COL24A1: variants seen among roughly 807,000 people sequenced by gnomAD.
The protein encoded by COL24A1 is collagen alpha-1(XXIV) chain.
In COL24A1, 224 loss-of-function variants were observed where a neutral mutation model predicts 253.9. The ratio of observed to expected loss-of-function variants is 0.88; its 90% confidence interval spans 0.79 to 0.99. COL24A1 has a LOEUF of 0.99. Ranked by LOEUF, COL24A1 falls within the 50% of genes least tolerant of loss-of-function variation. The pLI is 0.00. For synonymous variants in COL24A1, 685 were observed against 673.7 expected (o/e 1.02, Z -0.26); for missense variants, 2,131 against 2,068.5 (o/e 1.03, Z -0.59).
chr1:86,063,383 T>TGTGTGTGTG (rs1376429091), intron 8 of COL24A1, among the ~76,000 whole-genome samples: 79 of 144,468 alleles, frequency 5.5e-4, no homozygotes, highest in African/African-American at 1.6e-3. Flanking sequence ...GTGTGTGTGT[T>TGTGTGTGTG]TGTATGTGTA....
rs1697608051 is a variant in COL24A1 at position 86,022,232 on chromosome 1, A to G, written c.2256+8T>C. On this transcript the variant is annotated splice_region_variant and intron_variant, in intron 18 of 59. Transcript: ENST00000370571. ...ATTACAAAGAGCAAAGCAAAAGTTC[A>G]AACCTACTGAAGGCCCTGACTTTCC... 14 of 1,612,540 alleles carry G rather than the reference A, an allele frequency of 8.7e-6. No homozygotes were observed. The highest frequency in any genetic ancestry group is 1.2e-5 in the Non-Finnish European group (14 of 1,178,636).
At chr1:85,854,018 T>G (rs1448418699) in intron 37 of COL24A1, among the ~76,000 whole-genome samples, 2 of 152,224 alleles carry the variant, frequency 1.3e-5, no homozygotes, top group Non-Finnish European at 2.9e-5. Flanking sequence ...TTTTGGAATC[T>G]TTGTCATGAA....
At chr1:86,122,492 A>C (rs6703567) in intron 3 of COL24A1, among the ~76,000 whole-genome samples, 110,158 of 151,734 alleles carry the variant, frequency 0.73, 39,953 homozygotes, top group Middle Eastern at 0.77. Flanking sequence ...CTTGACATCT[A>C]TTCTTTACTT....
chr1:85,828,439 C>A (rs1361640396), intron 43 of COL24A1, among the ~76,000 whole-genome samples: 1 of 151,198 alleles, frequency 6.6e-6, no homozygotes, highest in African/African-American at 2.4e-5. Context: ...TCTATTAGGT[C>A]TGCTTGGTGC....
At chr1:85,819,448 T>C (rs1366433687) in intron 45 of COL24A1, among the ~76,000 whole-genome samples, 3 of 152,334 alleles carry the variant, frequency 2.0e-5, no homozygotes, top group Admixed American at 6.5e-5. Flanking sequence ...TTCTATACTT[T>C]TGATTTTTCA....
At chr1:85,906,028 TTTTTA>T (rs1381954934) in intron 28 of COL24A1, among the ~76,000 whole-genome samples, 7 of 152,092 alleles carry the variant, frequency 4.6e-5, no homozygotes, top group African/African-American at 1.7e-4. Context: ...CTATCATCAT[TTTTTA>T]TTTTATTTTA....
Position 85,997,055 on chromosome 1 carries a change from G to GTGTGTGTGTGTGTGTGTATATATA in COL24A1, c.2311-9402_2311-9401insTATATATACACACACACACACACA. Among the ~76,000 whole-genome samples, 19 of 95,118 alleles carry GTGTGTGTGTGTGTGTGTATATATA rather than the reference G, an allele frequency of 2.0e-4. 1 individual carries two copies. The highest frequency in any genetic ancestry group is 4.2e-4 in the South Asian group (1 of 2,396). 62.4% of individuals were successfully genotyped at this position (95,118 alleles called of 152,430 possible). A position where few individuals can be genotyped will look rare whatever the true frequency, so the allele number is the denominator to read the frequency against. Reference sequence around the variant, plus strand: ...TATATATATATATGTGTGTGTGTGTGTATATATATATATATATATATATAT... The same window carrying GTGTGTGTGTGTGTGTGTATATATA: ...TATATATATATATGTGTGTGTGTGTGTGTGTGTGTGTGTGTGTATATATATATATATATATATATATATATATAT... On this transcript the variant is annotated intron_variant, in intron 19 of 59. Coordinates refer to ENST00000370571, the MANE Select transcript of COL24A1 (RefSeq NM_152890.7).
At chr1:85,965,641 C>A (rs1367397365) in intron 22 of COL24A1, among the ~76,000 whole-genome samples, 1 of 151,786 alleles carries the variant, frequency 6.6e-6, no homozygotes, top group Non-Finnish European at 1.5e-5. Context: ...AGAGTGTGAC[C>A]CTTGACCCCT....
At chr1:85,816,949 G>T in intron 46 of COL24A1, 54 bp from the exon 47 acceptor site, 1 of 1,265,334 alleles carries the variant, frequency 7.9e-7, no homozygotes, top group Non-Finnish European at 1.1e-6. Context: ...ATGTTAAGAT[G>T]ACAAATACTT....
intron 13 of COL24A1, 107 bp downstream of exon 13, chr1:86,033,763 T>C: frequency 9.6e-7 from 1 of 1,037,246 alleles, no homozygotes; most frequent in Non-Finnish European, 1.4e-6. Flanking sequence ...GGAGATTGTT[T>C]TTCCAATAGT....
intron 24 of COL24A1, among the ~76,000 whole-genome samples, chr1:85,924,958 A>G (rs1687014532): frequency 6.6e-6 from 1 of 152,230 alleles, no homozygotes; most frequent in Admixed American, 6.5e-5. Flanking sequence ...TAAGCTGATA[A>G]GCAACTTCAG....
intron 37 of COL24A1, among the ~76,000 whole-genome samples, chr1:85,866,405 T>C (rs970888730): frequency 1.3e-5 from 2 of 152,192 alleles, no homozygotes; most frequent in African/African-American, 2.4e-5. Context: ...ATAACATCTA[T>C]AGGTTATTGG....
chr1:86,012,144 A>G (rs1696553982), intron 19 of COL24A1, among the ~76,000 whole-genome samples: 1 of 152,160 alleles, frequency 6.6e-6, no homozygotes, highest in South Asian at 2.1e-4. Context: ...ATAAATAAAA[A>G]TAAATTTAAA....
chr1:86,137,541 T>A (rs1442374693), intron 2 of COL24A1, among the ~76,000 whole-genome samples: 2 of 152,122 alleles, frequency 1.3e-5, no homozygotes, highest in Non-Finnish European at 2.9e-5. Flanking sequence ...ATGGTGAAAT[T>A]TAGGAAAGGT....
intron 22 of COL24A1, among the ~76,000 whole-genome samples, chr1:85,967,894 G>T (rs1691728300): frequency 6.6e-6 from 1 of 152,144 alleles, no homozygotes; most frequent in Non-Finnish European, 1.5e-5. Context: ...GATCCTGGGT[G>T]TGTCTGTGAG....
intron 5 of COL24A1, among the ~76,000 whole-genome samples, chr1:86,110,545 G>C (rs560426300): frequency 1.6e-4 from 24 of 152,042 alleles, no homozygotes; most frequent in Non-Finnish European, 3.1e-4. Context: ...CTCTGCTTGC[G>C]GGGAGGTGTG....
intron 10 of COL24A1, among the ~76,000 whole-genome samples, chr1:86,055,820 C>T (rs1000100287): frequency 6.6e-6 from 1 of 151,950 alleles, no homozygotes; most frequent in African/African-American, 2.4e-5. Context: ...AGTCACAAAG[C>T]TAGTAAAAGA....
chr1:85,760,742 G>C (rs1210695437), intron 55 of COL24A1, among the ~76,000 whole-genome samples: 3 of 152,148 alleles, frequency 2.0e-5, no homozygotes, highest in Non-Finnish European at 4.4e-5. Context: ...GGAGGAGTGG[G>C]GTGTGGGTGA....
chr1:85,853,279 T>C (rs144534016), intron 37 of COL24A1, among the ~76,000 whole-genome samples: 2 of 152,332 alleles, frequency 1.3e-5, no homozygotes, highest in African/African-American at 4.8e-5. Context: ...TGCATCCATG[T>C]TGCTGGTTAA....
Sources: gnomAD v4.1 joint callset for allele counts (sites outside exome capture counted in the v4.1 genomes callset) on GRCh38, gnomAD v4.1.1 for gene constraint, MANE v1.5 for transcripts, NCBI Gene and HGNC (gene_info 2026-07-23, HGNC 2026-07-21) for gene names.